AGT: variants seen among roughly 807,000 people sequenced by gnomAD.
AGT encodes alpha-1 antiproteinase, antitrypsin.
Under a neutral mutation model 28.1 loss-of-function variants are expected in AGT, and 26 were observed. The observed-to-expected ratio is 0.92, with a 90% CI of 0.68 to 1.28. AGT has a LOEUF of 1.28. Ranked by LOEUF, AGT falls within the 50% of genes most tolerant of loss-of-function variation. The pLI is 0.00. For synonymous variants in AGT, 259 were observed against 259.6 expected, an observed-to-expected ratio of 1.00 and a Z score of 0.02; for missense variants, 596 against 592.3, an observed-to-expected ratio of 1.01 and a Z score of -0.06.
At chr1:230,738,162 A>G (rs1334943460) in intron 1 of AGT, among the ~76,000 whole-genome samples, 1 of 152,244 alleles carries the variant, frequency 6.6e-6, no homozygotes, top group East Asian at 1.9e-4. Flanking sequence ...GTAAGCATTC[A>G]TGAATAAGTT....
At chr1:230,742,106 T>TA (rs908205451) in intron 1 of AGT, among the ~76,000 whole-genome samples, 5 of 152,004 alleles carry the variant, frequency 3.3e-5, no homozygotes, top group African/African-American at 1.2e-4. Flanking sequence ...GGGTTAAAGC[T>TA]AAAAAAATAT....
Position 230,703,299 on chromosome 1 carries a change from C to T in AGT, c.1273G>A (p.Ala425Thr). Reference protein sequence around the residue: ...VLNSIFFELEADEREPTESTQ... With the variant: ...VLNSIFFELETDEREPTESTQ... ...GACTCTGTGGGCTCTCTCTCATCCGCTTCAAGCTCAAAAAAAATGCTGTTC... is the reference window on the plus strand; with the variant it reads ...GACTCTGTGGGCTCTCTCTCATCCGTTTCAAGCTCAAAAAAAATGCTGTTC... The change falls in exon 5 of 5, where the codon GCG (alanine) becomes ACG (threonine). Residue 425 changes from alanine (A) to threonine (T), a missense_variant. Ala to Thr is a moderately conservative substitution (Grantham distance 58). Coordinates refer to ENST00000366667, the MANE Select transcript of AGT (RefSeq NM_001384479.1). 1 of 1,614,194 alleles carries T rather than the reference C, an allele frequency of 6.2e-7. No individual in the cohort carries two copies. The highest frequency in any genetic ancestry group is 8.5e-7 in the Non-Finnish European group (1 of 1,180,046).
chr1:230,703,306 C>A lies in AGT; in HGVS notation c.1266G>T (p.Glu422Asp). Residue 422 changes from glutamate (E) to aspartate (D), a missense_variant, in exon 5 of 5, where the codon GAG (glutamate) becomes GAT (aspartate). By Grantham distance (45) the Glu-to-Asp change is conservative. Coordinates refer to ENST00000366667, the MANE Select transcript of AGT (RefSeq NM_001384479.1). Reference protein sequence around the residue: ...VGEVLNSIFFELEADEREPTE... With the variant: ...VGEVLNSIFFDLEADEREPTE... ...TGGGCTCTCTCTCATCCGCTTCAAGCTCAAAAAAAATGCTGTTCAGCACCT... is the reference window on the plus strand; with the variant it reads ...TGGGCTCTCTCTCATCCGCTTCAAGATCAAAAAAAATGCTGTTCAGCACCT... 1 of 1,614,176 alleles carries A rather than the reference C, an allele frequency of 6.2e-7. No homozygotes were observed. Among genetic ancestry groups the A allele is most frequent in the Admixed American group, 1.7e-5 (1 of 60,022 alleles).
chr1:230,739,310 A>G (rs1305506889), intron 1 of AGT, among the ~76,000 whole-genome samples: 2 of 151,822 alleles, frequency 1.3e-5, no homozygotes, highest in Non-Finnish European at 2.9e-5. Flanking sequence ...AGCTATGATC[A>G]TGCCACTGCA....
intron 1 of AGT, among the ~76,000 whole-genome samples, chr1:230,742,191 C>G (rs12093308): frequency 6.6e-6 from 1 of 152,218 alleles, no homozygotes; most frequent in African/African-American, 2.4e-5. Context: ...AACAGAACCA[C>G]TATTATGAGT....
chr1:230,724,218 C>T (rs1211194203), intron 1 of AGT, among the ~76,000 whole-genome samples: 1 of 152,198 alleles, frequency 6.6e-6, no homozygotes, highest in East Asian at 1.9e-4. Flanking sequence ...ATATTTATTA[C>T]ATGGCCCTTT....
chr1:230,704,095 G>A (rs1054924594), intron 4 of AGT, 98 bp downstream of exon 4: 4 of 1,582,816 alleles, frequency 2.5e-6, no homozygotes, highest in Non-Finnish European at 3.5e-6. Flanking sequence ...TGCCCTGCTG[G>A]CCCCACCCAT....
intron 3 of AGT, 70 bp downstream of exon 3, chr1:230,705,863 C>T: frequency 6.3e-7 from 1 of 1,594,568 alleles, no homozygotes; most frequent in South Asian, 1.1e-5. Context: ...GTGTCTACTC[C>T]CCACCCCGCC....
intron 1 of AGT, among the ~76,000 whole-genome samples, chr1:230,736,700 T>C (rs1423694797): frequency 6.6e-6 from 1 of 152,112 alleles, no homozygotes. Context: ...AAGTAGTCAG[T>C]GACATGGTGG....
intron 1 of AGT, among the ~76,000 whole-genome samples, chr1:230,729,877 G>T (rs1015417385): frequency 1.3e-5 from 2 of 151,990 alleles, no homozygotes; most frequent in African/African-American, 4.8e-5. Context: ...AAACAGGAAG[G>T]CGGCCTGGGC....
chr1:230,722,722 G>C lies in AGT; in HGVS notation c.-30-11869C>G, dbSNP rs138196323. Among the ~76,000 whole-genome samples, 103 of 152,288 alleles carry C rather than the reference G, an allele frequency of 6.8e-4. No homozygotes were observed. The East Asian group carries it at 0.019, about 28-fold the overall frequency. On this transcript the variant is annotated intron_variant, in intron 1 of 4. Coordinates refer to the AGT transcript ENST00000681269. Reference sequence around the variant, plus strand: ...TGGGGCCTGTAGCCCTTCTGTTTTGGCCAATTTATCCAACTGCCTGTACCC... The same window carrying C: ...TGGGGCCTGTAGCCCTTCTGTTTTGCCCAATTTATCCAACTGCCTGTACCC...
chr1:230,729,753 T>A (rs1308502053), intron 1 of AGT, among the ~76,000 whole-genome samples: 2 of 150,524 alleles, frequency 1.3e-5, no homozygotes, highest in African/African-American at 4.9e-5. Flanking sequence ...GAGCTGTGTG[T>A]GACAAGTAGT....
At chr1:230,718,596 A>G (rs537509947), upstream of AGT, among the ~76,000 whole-genome samples, 1 of 97,186 alleles carries the variant, frequency 1.0e-5, no homozygotes, top group African/African-American at 5.5e-5. Flanking sequence ...ATTCACTTTA[A>G]AAAAAAAAAA....
intron 1 of AGT, among the ~76,000 whole-genome samples, chr1:230,741,971 T>A (rs1272145794): frequency 1.3e-5 from 2 of 152,068 alleles, no homozygotes; most frequent in Non-Finnish European, 2.9e-5. Flanking sequence ...TAGGAGGATC[T>A]CTTGAGCCCA....
upstream of AGT, among the ~76,000 whole-genome samples, chr1:230,716,236 T>C (rs951181364): frequency 1.2e-4 from 18 of 152,220 alleles, no homozygotes; most frequent in African/African-American, 4.3e-4. Context: ...ATGTAAATTA[T>C]TCCCATAAGG....
intron 1 of AGT, among the ~76,000 whole-genome samples, chr1:230,744,200 C>T (rs892383951): frequency 6.6e-6 from 1 of 152,168 alleles, no homozygotes; most frequent in African/African-American, 2.4e-5. Context: ...CCTGGTAGAC[C>T]TTAGATTGCA....
intron 3 of AGT, among the ~76,000 whole-genome samples, chr1:230,705,402 G>A (rs1217138693): frequency 6.6e-6 from 1 of 152,216 alleles, no homozygotes; most frequent in African/African-American, 2.4e-5. Context: ...CCAGGGCTCT[G>A]TGGAAAGGAA....
intron 1 of AGT, among the ~76,000 whole-genome samples, chr1:230,733,384 T>G (rs1571987264): frequency 6.6e-6 from 1 of 152,294 alleles, no homozygotes; most frequent in East Asian, 1.9e-4. Flanking sequence ...TGTTTCCAAA[T>G]ACACTTTTCC....
At chr1:230,725,055 A>C (rs1227316081) in intron 1 of AGT, among the ~76,000 whole-genome samples, 1 of 152,244 alleles carries the variant, frequency 6.6e-6, no homozygotes, top group East Asian at 1.9e-4. Flanking sequence ...AAAAGAATCT[A>C]TCCTGATGAA....
Sources: allele counts gnomAD v4.1 joint callset (sites outside exome capture counted in the v4.1 genomes callset), GRCh38; gene constraint gnomAD v4.1.1; transcripts MANE v1.5; gene names NCBI Gene and HGNC (gene_info 2026-07-23, HGNC 2026-07-21).